The following ATPSCKMT variants were observed in gnomAD, a reference collection of about 807,000 sequenced individuals.
ATPSCKMT encodes ATP synthase c subunit lysine N-methyltransferase, also known as ATP synthase subunit C lysine N-methyltransferase.
ATPSCKMT carries 24 observed loss-of-function variants against 24.3 expected under a neutral mutation model. The ratio of observed to expected loss-of-function variants is 0.99; its 90% CI spans 0.71 to 1.39. ATPSCKMT has a LOEUF of 1.39. Ranked by LOEUF, ATPSCKMT falls within the 40% of genes most tolerant of loss-of-function variation. The pLI, the probability that ATPSCKMT is intolerant of heterozygous loss-of-function variation, is 0.00. For synonymous variants in ATPSCKMT, 95 were observed against 110.5 expected, an observed-to-expected ratio of 0.86 and a Z score of 0.88; for missense variants, 311 against 298.4, an observed-to-expected ratio of 1.04 and a Z score of -0.31.
intron 4 of ATPSCKMT, 71 bp downstream of exon 4, chr5:10,235,140 G>T: frequency 7.2e-7 from 1 of 1,396,306 alleles, no homozygotes; most frequent in Non-Finnish European, 1.0e-6. Context: ...CGGGTGAGTG[G>T]TGGTGTTGTG....
intron 4 of ATPSCKMT, among the ~76,000 whole-genome samples, chr5:10,234,888 GAAGT>G (rs1744305085): frequency 1.3e-5 from 2 of 152,212 alleles, no homozygotes; most frequent in Non-Finnish European, 2.9e-5. Context: ...CGATTTCAGC[GAAGT>G]GGAAGTGAGC....
At chr5:10,228,127 G>A (rs900972062) in intron 4 of ATPSCKMT, among the ~76,000 whole-genome samples, 2 of 152,166 alleles carry the variant, frequency 1.3e-5, no homozygotes, top group Non-Finnish European at 2.9e-5. Flanking sequence ...TGACAGGCGT[G>A]AGCCACTGCG....
At chr5:10,239,431 T>C in intron 1 of ATPSCKMT, 75 bp from the exon 2 acceptor site, 1 of 1,310,700 alleles carries the variant, frequency 7.6e-7, no homozygotes, top group African/African-American at 1.5e-5. Flanking sequence ...TTTCTACAAT[T>C]CTCATTGGCA....
intron 1 of ATPSCKMT, among the ~76,000 whole-genome samples, chr5:10,248,756 C>G (rs1745092925): frequency 6.6e-6 from 1 of 152,246 alleles, no homozygotes; most frequent in African/African-American, 2.4e-5. Context: ...CATTTCAGCA[C>G]TTATTGAGTG....
chr5:10,235,395 G>A (rs914625284), intron 3 of ATPSCKMT, 134 bp from the exon 4 acceptor site: 17 of 692,546 alleles, frequency 2.5e-5, no homozygotes, highest in Admixed American at 7.2e-5. Flanking sequence ...TAAGAACAGC[G>A]GCCCTCCTTA....
intron 1 of ATPSCKMT, among the ~76,000 whole-genome samples, chr5:10,242,574 T>C (rs1297889497): frequency 1.3e-5 from 2 of 152,322 alleles, no homozygotes; most frequent in African/African-American, 4.8e-5. Flanking sequence ...CAAACTCCTA[T>C]TAATGTTGAT....
At chr5:10,232,735 A>T (rs1744206868) in intron 4 of ATPSCKMT, among the ~76,000 whole-genome samples, 1 of 152,158 alleles carries the variant, frequency 6.6e-6, no homozygotes, top group Non-Finnish European at 1.5e-5. Flanking sequence ...TGGTGCAGAG[A>T]GCTGAGGGCA....
At chr5:10,236,432 A>G (rs573445278) in intron 3 of ATPSCKMT, 46 bp downstream of exon 3, 1 of 1,576,148 alleles carries the variant, frequency 6.3e-7, no homozygotes, top group East Asian at 2.3e-5. Context: ...TTGAATAATA[A>G]AATTTTCCCT....
chr5:10,237,793 C>G (rs1744441491), intron 2 of ATPSCKMT, among the ~76,000 whole-genome samples: 1 of 152,024 alleles, frequency 6.6e-6, no homozygotes, highest in South Asian at 2.1e-4. Context: ...GTCACCCAGG[C>G]TGGAGTGCAG....
chr5:10,235,090 C>T, intron 4 of ATPSCKMT, 121 bp downstream of exon 4: 1 of 758,944 alleles, frequency 1.3e-6, no homozygotes, highest in Non-Finnish European at 2.2e-6. Context: ...AACTGAAATC[C>T]AGTGTTCCCT....
chr5:10,247,832 A>G (rs964080950), intron 1 of ATPSCKMT, among the ~76,000 whole-genome samples: 35 of 152,340 alleles, frequency 2.3e-4, no homozygotes, highest in Non-Finnish European at 4.6e-4. Flanking sequence ...ACTTTCATTG[A>G]GCACTTAGTA....
rs1462034943 is a variant in ATPSCKMT, at chr5:10,249,888, C to A, written c.-15G>T. 1 of 836,238 alleles carries A rather than the reference C, an allele frequency of 1.2e-6. No homozygotes were observed. The highest frequency in any genetic ancestry group is 2.8e-5 in the Admixed American group (1 of 36,292). 51.8% of individuals were successfully genotyped at this position (836,238 alleles called of 1,614,324 possible). On this transcript the variant is annotated 5_prime_UTR_variant, in exon 1 of 5. Coordinates refer to ENST00000511437, the MANE Select transcript of ATPSCKMT (RefSeq NM_199133.4). ...CCTCCCTCCATCGCGAGATTTCCAA[C>A]AGCGTTTTTAAAAAAAAAAAAAAAA...
At chr5:10,232,521 T>C (rs867303471) in intron 4 of ATPSCKMT, among the ~76,000 whole-genome samples, 16 of 152,186 alleles carry the variant, frequency 1.1e-4, no homozygotes, top group Admixed American at 2.6e-4. Flanking sequence ...AGGTACTATA[T>C]GAGAGTAAAG....
intron 4 of ATPSCKMT, among the ~76,000 whole-genome samples, chr5:10,234,512 A>G (rs1648968201): frequency 6.6e-6 from 1 of 152,262 alleles, no homozygotes; most frequent in South Asian, 2.1e-4. Context: ...TTAAAAAATT[A>G]AAACCCTATC....
chr5:10,249,879 G>A lies in ATPSCKMT; in HGVS notation c.-6C>T, dbSNP rs770482620. 4.0e-6 allele frequency: 3 copies of A among 759,440 alleles called. No individual in the cohort carries two copies. The highest frequency in any genetic ancestry group is 5.5e-5 in the Admixed American group (2 of 36,200). 47.0% of individuals were successfully genotyped at this position (759,440 alleles called of 1,614,324 possible). A position where few individuals can be genotyped will look rare whatever the true frequency, so the allele number is the denominator to read the frequency against. On this transcript the variant is annotated 5_prime_UTR_variant, in exon 1 of 5. Coordinates refer to ENST00000511437, the MANE Select transcript of ATPSCKMT (RefSeq NM_199133.4). The stretch of plus-strand genomic sequence containing the variant: ...TCACCTCCTCCTCCCTCCATCGCGA[G>A]ATTTCCAACAGCGTTTTTAAAAAAA...
chr5:10,227,109 C>A lies in ATPSCKMT; in HGVS notation c.*332G>T. ...ATACTGTCTTTAAAAATCATTTCTC[C>A]TTATCGAGGCATTAAGCCATATTGT... On this transcript the variant is annotated 3_prime_UTR_variant, in exon 5 of 5. Transcript: ENST00000511437. 1 of 274,192 alleles carries A rather than the reference C, an allele frequency of 3.6e-6. No individual in the cohort carries two copies. The highest frequency in any genetic ancestry group is 7.1e-6 in the Non-Finnish European group (1 of 141,374). 17.0% of individuals were successfully genotyped at this position (274,192 alleles called of 1,614,324 possible). A position where few individuals can be genotyped will look rare whatever the true frequency, so the allele number is the denominator to read the frequency against.
chr5:10,239,405 T>C (rs1744525239), intron 1 of ATPSCKMT, 49 bp from the exon 2 acceptor site: 1 of 1,497,576 alleles, frequency 6.7e-7, no homozygotes, highest in Non-Finnish European at 9.0e-7. Flanking sequence ...AAATCTGAAA[T>C]CCAAGAGAGC....
At chr5:10,237,000 G>A (rs1744405460) in intron 2 of ATPSCKMT, 20 of 1,305,812 alleles carry the variant, frequency 1.5e-5, no homozygotes, top group Non-Finnish European at 2.0e-5. Flanking sequence ...TGTCTGGGAG[G>A]ATGGTTTTGT....
At chr5:10,242,297 T>C (rs1039788856) in intron 1 of ATPSCKMT, among the ~76,000 whole-genome samples, 5 of 152,226 alleles carry the variant, frequency 3.3e-5, no homozygotes, top group Non-Finnish European at 7.3e-5. Context: ...ATCAACTAAG[T>C]TTATAAAATA....
Sources: gnomAD v4.1 joint callset for allele counts (sites outside exome capture counted in the v4.1 genomes callset) on GRCh38, gnomAD v4.1.1 for gene constraint, MANE v1.5 for transcripts, NCBI Gene and HGNC (gene_info 2026-07-23, HGNC 2026-07-21) for gene names.